KIAA0825: variants seen among roughly 807,000 people sequenced by gnomAD.
KIAA0825 encodes the protein KIAA0825.
Under a neutral mutation model 147.6 loss-of-function variants are expected in KIAA0825, and 119 were observed. The observed-to-expected ratio is 0.81, with a 90% CI of 0.69 to 0.94. KIAA0825 has a LOEUF of 0.94. Among genes scored for constraint, KIAA0825 ranks in the 40% least tolerant of loss-of-function variants. The pLI is 0.00. For missense variants in KIAA0825, 1,381 were observed against 1,472.7 expected, an observed-to-expected ratio of 0.94 and a Z score of 1.02; for synonymous variants, 470 against 518.1, an observed-to-expected ratio of 0.91 and a Z score of 1.26.
At chr5:94,277,175 G>A (rs915525510) in intron 20 of KIAA0825, among the ~76,000 whole-genome samples, 3 of 151,960 alleles carry the variant, frequency 2.0e-5, no homozygotes, top group African/African-American at 4.8e-5. Flanking sequence ...CAACCCAGGC[G>A]AGCAATACCA....
At chr5:94,183,628 T>C (rs1405726937) in intron 20 of KIAA0825, among the ~76,000 whole-genome samples, 1 of 152,154 alleles carries the variant, frequency 6.6e-6, no homozygotes, top group Non-Finnish European at 1.5e-5. Context: ...GCCAATGATT[T>C]AATCAATCAT....
chr5:94,598,152 T>C (rs1785650800), intron 1 of KIAA0825, among the ~76,000 whole-genome samples: 1 of 152,160 alleles, frequency 6.6e-6, no homozygotes, highest in African/African-American at 2.4e-5. Context: ...AAAATTATTT[T>C]TTTACTTTTG....
At chr5:94,188,973 G>C (rs1201871586) in intron 20 of KIAA0825, among the ~76,000 whole-genome samples, 1 of 152,106 alleles carries the variant, frequency 6.6e-6, no homozygotes, top group African/African-American at 2.4e-5. Flanking sequence ...TTCTACAGTA[G>C]GTATGTAGTA....
At chr5:94,603,635 T>A (rs756810534) in intron 1 of KIAA0825, among the ~76,000 whole-genome samples, 2 of 152,090 alleles carry the variant, frequency 1.3e-5, no homozygotes, top group African/African-American at 2.4e-5. Flanking sequence ...AGTGGCAAGC[T>A]GAATAAAGAA....
chr5:94,276,597 C>T lies in KIAA0825; in HGVS notation c.3710+107771G>A, dbSNP rs186080358. 2.0e-5 allele frequency among the ~76,000 whole-genome samples: 3 copies of T among 152,096 alleles called. No homozygotes were observed. The East Asian group carries it at 5.8e-4, about 29-fold the overall frequency. On this transcript the variant is annotated intron_variant, in intron 20 of 20. Transcript: ENST00000682413. ...AGCAGACATTATTAATTGGTGAGAC[C>T]GTTGTCAGCTTGATGAGGACTAGTT...
At chr5:94,340,445 C>A (rs1482658655) in intron 20 of KIAA0825, among the ~76,000 whole-genome samples, 1 of 152,058 alleles carries the variant, frequency 6.6e-6, no homozygotes, top group Non-Finnish European at 1.5e-5. Flanking sequence ...TGGTTACCTA[C>A]CTGAGTTATT....
intron 1 of KIAA0825, among the ~76,000 whole-genome samples, chr5:94,613,714 A>C (rs1789565868): frequency 6.6e-6 from 1 of 152,164 alleles, no homozygotes; most frequent in South Asian, 2.1e-4. Flanking sequence ...TCCAATCCTT[A>C]CAAAAGTAGC....
rs1251513892 is a variant in KIAA0825 at position 94,602,690 on chromosome 5, T to C, written c.-153+15810A>G. Among the ~76,000 whole-genome samples, 4 of 152,330 alleles carry C rather than the reference T, an allele frequency of 2.6e-5. No homozygotes were observed. The East Asian group carries it at 5.8e-4, about 22-fold the overall frequency. On this transcript the variant is annotated intron_variant, in intron 1 of 20. Transcript: ENST00000682413. ...CCTTGTGAAAGAGGAAGTGTTTGCT[T>C]CACCTTCCATTCTTCCCTCTCCTGC...
At chr5:94,603,639 T>A (rs1235382307) in intron 1 of KIAA0825, among the ~76,000 whole-genome samples, 6 of 152,050 alleles carry the variant, frequency 3.9e-5, no homozygotes, top group African/African-American at 1.4e-4. Context: ...GCAAGCTGAA[T>A]AAAGAACCAA....
intron 2 of KIAA0825, among the ~76,000 whole-genome samples, chr5:94,563,443 T>C (rs1023342275): frequency 2.6e-5 from 4 of 151,916 alleles, no homozygotes; most frequent in African/African-American, 7.3e-5. Flanking sequence ...ATAGTGAAAC[T>C]GATGTTCTTG....
chr5:94,604,947 C>T (rs932608364), intron 1 of KIAA0825, among the ~76,000 whole-genome samples: 1 of 151,796 alleles, frequency 6.6e-6, no homozygotes, highest in Admixed American at 6.6e-5. Flanking sequence ...TTTAAAAGAT[C>T]AACAAATCCA....
chr5:94,521,650 A>G (rs1349393643), intron 4 of KIAA0825, among the ~76,000 whole-genome samples: 1 of 151,736 alleles, frequency 6.6e-6, no homozygotes, highest in Admixed American at 6.6e-5. Context: ...TTATTCCTTT[A>G]TACTTTCTGT....
intron 20 of KIAA0825, among the ~76,000 whole-genome samples, chr5:94,320,609 T>C (rs1780078547): frequency 6.6e-6 from 1 of 151,884 alleles, no homozygotes; most frequent in Non-Finnish European, 1.5e-5. Flanking sequence ...CTGCTCTCCA[T>C]AGAATGTAAA....
intron 2 of KIAA0825, 29 bp from the exon 3 acceptor site, chr5:94,537,156 T>A (rs771716811): frequency 1.9e-6 from 3 of 1,577,664 alleles, no homozygotes; most frequent in Non-Finnish European, 2.6e-6. Flanking sequence ...TAATAAAACA[T>A]GTCAGTTCCC....
chr5:94,278,028 C>T (rs1777296878), intron 20 of KIAA0825, among the ~76,000 whole-genome samples: 1 of 152,040 alleles, frequency 6.6e-6, no homozygotes, highest in Non-Finnish European at 1.5e-5. Flanking sequence ...AACCAAACAC[C>T]ACATGTTCTC....
intron 5 of KIAA0825, among the ~76,000 whole-genome samples, chr5:94,515,791 CAA>C (rs754577018): frequency 1.5e-4 from 14 of 93,538 alleles, no homozygotes; most frequent in Non-Finnish European, 1.3e-4. Context: ...GACTCTGTCT[CAA>C]AAAAAAAAAA....
chr5:94,298,602 G>C (rs1390210463), intron 20 of KIAA0825, among the ~76,000 whole-genome samples: 1 of 152,164 alleles, frequency 6.6e-6, no homozygotes, highest in African/African-American at 2.4e-5. Context: ...CATTTCATCT[G>C]TTTGATTCAT....
chr5:94,205,800 T>C (rs1218623706), intron 20 of KIAA0825, among the ~76,000 whole-genome samples: 1 of 152,148 alleles, frequency 6.6e-6, no homozygotes, highest in Non-Finnish European at 1.5e-5. Context: ...CACCTGATTT[T>C]CCCCTATTCC....
At chr5:94,173,872 A>G (rs971204672) in intron 20 of KIAA0825, among the ~76,000 whole-genome samples, 16 of 152,182 alleles carry the variant, frequency 1.1e-4, no homozygotes, top group African/African-American at 3.6e-4. Context: ...CTTCCTGGAC[A>G]TGCTTACATA....
Sources: gnomAD v4.1 joint callset for allele counts (sites outside exome capture counted in the v4.1 genomes callset) on GRCh38, gnomAD v4.1.1 for gene constraint, MANE v1.5 for transcripts, NCBI Gene and HGNC (gene_info 2026-07-23, HGNC 2026-07-21) for gene names.